Variants in LRRC56 observed in about 807,000 individuals in gnomAD.
The protein encoded by LRRC56 is leucine-rich repeat-containing protein 56.
A neutral mutation model predicts 47.8 loss-of-function variants in LRRC56; 41 were observed. That is an observed-to-expected ratio of 0.86 (90% confidence interval 0.67 to 1.11). LRRC56 has a LOEUF of 1.11. Among genes scored for constraint, LRRC56 ranks in the 50% most tolerant of loss-of-function variants. LRRC56 has a pLI of 0.00. For synonymous variants in LRRC56, 387 were observed against 311.2 expected (o/e 1.24, Z -2.56); for missense variants, 759 against 704.2 (o/e 1.08, Z -0.88).
rs147464111 is a variant in LRRC56, at chr11:541,217, C to T, written c.178-320C>T. ...CACTCAAGCGGGAGACCAGATGGCT[C>T]AAAGCTCAGGGCAGGGCCCGGCGCG... On this transcript the variant is annotated intron_variant, in intron 4 of 13. Coordinates refer to ENST00000270115, the MANE Select transcript of LRRC56 (RefSeq NM_198075.4). This position sits in a 1 kb window ranked among gnomAD's most constrained non-coding sequence, Gnocchi z 4.1. Among the ~76,000 whole-genome samples the T allele has an allele frequency of 3.3e-3, 508 of 152,286 alleles. 3 individuals are homozygous for T. Among genetic ancestry groups the T allele is most frequent in the African/African-American group, 0.012 (483 of 41,560 alleles).
chr11:512,148 T>A, the LRRC56 span, among the ~76,000 whole-genome samples: 1 of 152,110 alleles, frequency 6.6e-6, no homozygotes, highest in Non-Finnish European at 1.5e-5. Context: ...TTCACCACGT[T>A]GGACAGGCTG....
chr11:534,650 C>T, upstream of LRRC56: 1 of 444,448 alleles, frequency 2.2e-6, no homozygotes, highest in South Asian at 2.7e-5. Flanking sequence ...ACCACGCACC[C>T]AAATTAGAAG....
chr11:543,464 C>T (rs1168554967), intron 5 of LRRC56, among the ~76,000 whole-genome samples: 2 of 152,178 alleles, frequency 1.3e-5, no homozygotes, highest in Non-Finnish European at 2.9e-5. Flanking sequence ...ATCCACCCGC[C>T]TCGGCCTCCC....
At chr11:542,683 C>A (rs762114074) in intron 5 of LRRC56, among the ~76,000 whole-genome samples, 1 of 151,484 alleles carries the variant, frequency 6.6e-6, no homozygotes, top group South Asian at 2.1e-4. Context: ...CCCTCCCGTG[C>A]GTGCACAGCG....
chr11:537,418 G>C (rs572761826), upstream of LRRC56: 61 of 152,390 alleles, frequency 4.0e-4, no homozygotes, highest in African/African-American at 1.4e-3. Flanking sequence ...TCAGCCGCAC[G>C]GAACCCGAGC....
chr11:513,028 G>T, the LRRC56 span, among the ~76,000 whole-genome samples: 113 of 152,318 alleles, frequency 7.4e-4, no homozygotes, highest in South Asian at 0.012. Context: ...TTAAAAGTGG[G>T]TGTAAATGTG....
At chr11:550,410 C>T (rs1201703420) in intron 8 of LRRC56, 138 bp downstream of exon 8, 13 of 813,790 alleles carry the variant, frequency 1.6e-5, no homozygotes, top group South Asian at 3.7e-5. Flanking sequence ...GAGTTCACCT[C>T]CTCTGTCACT....
chr11:516,976 A>G, the LRRC56 span, among the ~76,000 whole-genome samples: 1 of 151,956 alleles, frequency 6.6e-6, no homozygotes, highest in South Asian at 2.1e-4. Flanking sequence ...CGGCCTGCCA[A>G]GTGCCTGGGA....
rs903683765 is a variant in LRRC56, at chr11:541,393, C to T, written c.178-144C>T. ...TGTCACATCCACTCCCATCCCACCA[C>T]CCAGGCCAGGGCCAACATGGCCCAG... is the stretch of plus-strand genomic sequence containing the variant. On this transcript the variant is annotated intron_variant, in intron 4 of 13. Transcript: ENST00000270115. This position sits in a 1 kb window ranked among gnomAD's most constrained non-coding sequence, Gnocchi z 4.1. 2.1e-6 allele frequency: 1 copy of T among 475,010 alleles called. No homozygotes were observed. Among genetic ancestry groups the T allele is most frequent in the East Asian group, 3.5e-5 (1 of 28,888 alleles). The allele number at this position is 475,010 out of a possible 1,614,324, so 29.4% of individuals were successfully genotyped here.
chr11:533,392 C>T (rs552000625), upstream of LRRC56: 1 of 1,609,110 alleles, frequency 6.2e-7, no homozygotes, highest in Non-Finnish European at 8.5e-7. Context: ...GAGTGCTGCT[C>T]CCTGGCTGGG....
At chr11:518,984 G>C in the LRRC56 span, among the ~76,000 whole-genome samples, 1 of 151,966 alleles carries the variant, frequency 6.6e-6, no homozygotes, top group Non-Finnish European at 1.5e-5. Flanking sequence ...GACGCGGCGC[G>C]CTTACGAGGG....
the LRRC56 span, among the ~76,000 whole-genome samples, chr11:518,244 C>G: frequency 4.6e-5 from 7 of 151,830 alleles, no homozygotes; most frequent in Non-Finnish European, 8.8e-5. Flanking sequence ...GTGCAGTGGC[C>G]CATCTCAGCT....
the LRRC56 span, among the ~76,000 whole-genome samples, chr11:528,226 C>T: frequency 2.0e-5 from 3 of 152,224 alleles, no homozygotes; most frequent in South Asian, 6.2e-4. Context: ...GGACTCTCAG[C>T]TATCAGAGGG....
At chr11:552,936 C>T (rs1414038773) in intron 13 of LRRC56, among the ~76,000 whole-genome samples, 4 of 152,200 alleles carry the variant, frequency 2.6e-5, no homozygotes, top group Non-Finnish European at 5.9e-5. Flanking sequence ...CCTTGTGTGC[C>T]ACCCGGGCTG....
intron 13 of LRRC56, among the ~76,000 whole-genome samples, chr11:553,043 C>T (rs1251011493): frequency 7.2e-5 from 11 of 152,222 alleles, no homozygotes; most frequent in Non-Finnish European, 1.5e-5. Context: ...GCAGGCAGAA[C>T]ATGGCCACTG....
At chr11:509,138 A>C in the LRRC56 span, among the ~76,000 whole-genome samples, 1 of 152,128 alleles carries the variant, frequency 6.6e-6, no homozygotes, top group Non-Finnish European at 1.5e-5. Flanking sequence ...AAGGCAGCCA[A>C]CCTGGCTGTG....
chr11:519,272 GCGGGC>G, the LRRC56 span, among the ~76,000 whole-genome samples: 5,151 of 149,582 alleles, frequency 0.034, 284 homozygotes, highest in Middle Eastern at 0.079. Flanking sequence ...TTATTAGAAC[GCGGGC>G]TGATACACAG....
At chr11:542,434 G>A (rs1273578171) in intron 5 of LRRC56, among the ~76,000 whole-genome samples, 1 of 151,978 alleles carries the variant, frequency 6.6e-6, no homozygotes, top group Non-Finnish European at 1.5e-5. Context: ...AACATAGCAA[G>A]ACCCCTGTGT....
chr11:539,331 C>T (rs943271440), intron 2 of LRRC56, among the ~76,000 whole-genome samples: 6 of 150,630 alleles, frequency 4.0e-5, no homozygotes, highest in South Asian at 2.1e-4. Context: ...GTGATCTGCC[C>T]GCCTCAGCCT....
Sources: allele counts gnomAD v4.1 joint callset (sites outside exome capture counted in the v4.1 genomes callset), GRCh38; gene constraint gnomAD v4.1.1; non-coding constraint Gnocchi (gnomAD v3.1); transcripts MANE v1.5; gene names NCBI Gene and HGNC (gene_info 2026-07-23, HGNC 2026-07-21).